Variants in LOXL2 observed in about 807,000 individuals in gnomAD.
LOXL2 encodes lysyl oxidase homolog 2.
LOXL2 carries 70 observed loss-of-function variants against 93.0 expected under a neutral mutation model. The observed-to-expected ratio is 0.75, with a 90% confidence interval of 0.62 to 0.92. LOXL2 has a LOEUF of 0.92. LOXL2 is among the 40% of genes least tolerant of loss of function. The pLI is 0.00. For missense variants in LOXL2, 973 were observed against 1,054.9 expected, an observed-to-expected ratio of 0.92 and a Z score of 1.08; for synonymous variants, 438 against 413.2, an observed-to-expected ratio of 1.06 and a Z score of -0.73.
chr8:23,379,274 C>G (rs940429253), intron 1 of LOXL2, among the ~76,000 whole-genome samples: 6 of 152,184 alleles, frequency 3.9e-5, no homozygotes, highest in Non-Finnish European at 5.9e-5. Flanking sequence ...AGCAAATGTT[C>G]CTGCCTGATT....
intron 3 of LOXL2, among the ~76,000 whole-genome samples, chr8:23,344,897 G>T (rs541511671): frequency 6.6e-6 from 1 of 152,230 alleles, no homozygotes; most frequent in South Asian, 2.1e-4. Context: ...CAAATCTACC[G>T]TATGCATTCA....
In LOXL2 at chr8:23,327,306, C is replaced by T. The variant is rs9792317; in HGVS notation, c.1150+1076G>A. ...AGGTTAAGTTCAATGCAGGATTCTA[C>T]AGTCTCACACAGAAAACCACTGGAT... On this transcript the variant is annotated intron_variant, in intron 6 of 13. Coordinates refer to ENST00000389131, the MANE Select transcript of LOXL2 (RefSeq NM_002318.3). Among the ~76,000 whole-genome samples, 1,285 of 152,310 alleles carry T rather than the reference C, an allele frequency of 8.4e-3. 83 individuals carry two copies. In the East Asian group the frequency reaches 0.16, roughly 19 times the overall value.
chr8:23,367,813 C>CCT (rs76531444), intron 2 of LOXL2, among the ~76,000 whole-genome samples, 184 bp downstream of exon 2: 7,113 of 152,318 alleles, frequency 0.047, 185 homozygotes, highest in Admixed American at 0.08. Context: ...TCAAGCCCCC[C>CCT]GACCCCGCCT....
intron 1 of LOXL2, among the ~76,000 whole-genome samples, chr8:23,383,250 T>A (rs1314863723): frequency 6.6e-6 from 1 of 152,146 alleles, no homozygotes; most frequent in African/African-American, 2.4e-5. Context: ...GCTGTCTGAA[T>A]CCTGCCTGCC....
chr8:23,322,476 C>T (rs1243010454), intron 6 of LOXL2, among the ~76,000 whole-genome samples, 195 bp from the exon 7 acceptor site: 1 of 152,164 alleles, frequency 6.6e-6, no homozygotes, highest in Non-Finnish European at 1.5e-5. Flanking sequence ...ATTCACTTAT[C>T]CCCCAAGAGC....
intron 3 of LOXL2, among the ~76,000 whole-genome samples, chr8:23,345,041 G>C (rs183003523): frequency 1.3e-5 from 2 of 152,278 alleles, no homozygotes; most frequent in East Asian, 3.9e-4. Flanking sequence ...TTAATTGCAG[G>C]CTAGGTTCCA....
chr8:23,368,121 A>T lies in LOXL2; in HGVS notation c.231T>A (p.Asp77Glu). 6.2e-7 allele frequency: 1 copy of T among 1,614,120 alleles called. No homozygotes were observed. ...HSEGRVEVYY[D>E]GQWGTVCDDD... The stretch of plus-strand genomic sequence containing the variant: ...CATCGCACACGGTGCCCCACTGGCC[A>T]TCATAGTACACCTCCACCCGGCCCT... Residue 77 changes from aspartate (D) to glutamate (E), a missense_variant, in exon 2 of 14, where the codon GAT becomes GAA. Transcript: ENST00000389131.
intron 1 of LOXL2, among the ~76,000 whole-genome samples, chr8:23,388,947 T>G (rs1804804837): frequency 6.6e-6 from 1 of 151,886 alleles, no homozygotes; most frequent in South Asian, 2.1e-4. Flanking sequence ...AGGTTCTGAG[T>G]TGGTCATAAG....
chr8:23,341,215 G>T lies in LOXL2; in HGVS notation c.532-12C>A, dbSNP rs376434083. 355 of 1,608,674 alleles carry T rather than the reference G, an allele frequency of 2.2e-4. No homozygotes were observed. Among genetic ancestry groups the T allele is most frequent in the Admixed American group, 3.2e-4 (19 of 60,022 alleles). ...TGGATATTCAGGTTCTGGGAAGAAA[G>T]AGGCGTGGAAGGAGAGGGTTACCCT... On this transcript the variant is annotated splice_polypyrimidine_tract_variant and intron_variant, in intron 3 of 13. Coordinates refer to ENST00000389131, the MANE Select transcript of LOXL2 (RefSeq NM_002318.3).
intron 7 of LOXL2, among the ~76,000 whole-genome samples, chr8:23,320,699 G>C (rs1563189433): frequency 1.3e-5 from 2 of 152,280 alleles, no homozygotes; most frequent in East Asian, 3.9e-4. Flanking sequence ...CTTAAGCCCA[G>C]GGTTTTGAGA....
At chr8:23,371,808 A>C (rs1804501050) in intron 1 of LOXL2, among the ~76,000 whole-genome samples, 1 of 149,608 alleles carries the variant, frequency 6.7e-6, no homozygotes, top group African/African-American at 2.5e-5. Context: ...GCAGCACGAA[A>C]GGCAGGAAGG....
intron 2 of LOXL2, among the ~76,000 whole-genome samples, chr8:23,362,000 C>A (rs4872111): frequency 0.61 from 92,557 of 152,034 alleles, 28,654 homozygotes; most frequent in African/African-American, 0.72. Context: ...TTAAAAATAA[C>A]ATTACCATAT....
rs369710595 is a variant in LOXL2 at position 23,306,889 on chromosome 8, C to T, written c.1880+2779G>A. Among the ~76,000 whole-genome samples the T allele has an allele frequency of 1.0e-3, 157 of 152,348 alleles. 1 individual carries two copies. Among genetic ancestry groups the T allele is most frequent in the African/African-American group, 2.8e-3 (116 of 41,582 alleles). The stretch of plus-strand genomic sequence containing the variant: ...CAGGAGAGAGAGGCATGGAGACCAT[C>T]GGCCAGGGCACAGTGCACATGAGAC... On this transcript the variant is annotated intron_variant, in intron 10 of 13. Coordinates refer to ENST00000389131, the MANE Select transcript of LOXL2 (RefSeq NM_002318.3).
intron 3 of LOXL2, among the ~76,000 whole-genome samples, chr8:23,355,715 T>A (rs77622573): frequency 0.053 from 8,023 of 150,846 alleles, 213 homozygotes; most frequent in Admixed American, 0.083. Flanking sequence ...GGTCAATCAA[T>A]CCTTCCACCT....
In LOXL2 at chr8:23,297,168, AAC is replaced by A. The variant is rs1204438640; in HGVS notation, c.*873_*874del. ...GGCCCAGGTGCTGTGGGTCAAAGGA[AAC>A]ACAGACACGTTTCATAAATCTTTCT... On this transcript the variant is annotated 3_prime_UTR_variant, in exon 14 of 14. Coordinates refer to ENST00000389131, the MANE Select transcript of LOXL2 (RefSeq NM_002318.3). 1.1e-4 allele frequency: 17 copies of A among 152,192 alleles called. No individual in the cohort carries two copies. The highest frequency in any genetic ancestry group is 5.8e-4 in the East Asian group (3 of 5,202). 9.4% of individuals were successfully genotyped at this position (152,192 alleles called of 1,614,324 possible).
chr8:23,366,143 A>G (rs1258132445), intron 2 of LOXL2: 2 of 152,254 alleles, frequency 1.3e-5, no homozygotes, highest in Non-Finnish European at 2.9e-5. Flanking sequence ...ACTGGAAAGC[A>G]TTTGTTATAA....
chr8:23,318,535 G>T (rs2117156070), intron 8 of LOXL2, among the ~76,000 whole-genome samples: 1 of 151,882 alleles, frequency 6.6e-6, no homozygotes, highest in South Asian at 2.1e-4. Flanking sequence ...CCATCCTCCA[G>T]ATGAAAAAAA....
chr8:23,362,462 A>G (rs1804312079), intron 2 of LOXL2, among the ~76,000 whole-genome samples: 2 of 152,194 alleles, frequency 1.3e-5, no homozygotes, highest in African/African-American at 4.8e-5. Context: ...TGGGCTGGGC[A>G]CAGTTCATGC....
chr8:23,314,865 A>AAGC (rs1803369611), intron 9 of LOXL2, among the ~76,000 whole-genome samples: 1 of 151,924 alleles, frequency 6.6e-6, no homozygotes, highest in African/African-American at 2.4e-5. Context: ...AAAAGGAGAA[A>AAGC]AACAACAACA....
Sources: gnomAD v4.1 joint callset for allele counts (sites outside exome capture counted in the v4.1 genomes callset) on GRCh38, gnomAD v4.1.1 for gene constraint, MANE v1.5 for transcripts, NCBI Gene and HGNC (gene_info 2026-07-23, HGNC 2026-07-21) for gene names.